The following TFEC variants were observed in gnomAD, a reference collection of about 807,000 sequenced individuals.
TFEC encodes class E basic helix-loop-helix protein 34.
In TFEC, 31 loss-of-function variants were observed where a neutral mutation model predicts 41.6. The observed-to-expected ratio is 0.74, with a 90% CI of 0.56 to 1.01. TFEC has a LOEUF of 1.01. Among genes scored for constraint, TFEC ranks in the 50% least tolerant of loss-of-function variants. TFEC has a pLI of 0.00. For missense variants in TFEC, 402 were observed against 404.1 expected (o/e 0.99, Z 0.04); for synonymous variants, 143 against 140.6 (o/e 1.02, Z -0.12).
chr7:116,080,993 G>A (rs1006858601), intron 3 of TFEC, among the ~76,000 whole-genome samples: 2 of 143,412 alleles, frequency 1.4e-5, no homozygotes, highest in African/African-American at 2.5e-5. Flanking sequence ...GTGTGTGTGT[G>A]TGTGTGTGTG....
chr7:115,999,538 T>C (rs758876477), intron 1 of TFEC, among the ~76,000 whole-genome samples: 2 of 151,962 alleles, frequency 1.3e-5, no homozygotes, highest in South Asian at 4.1e-4. Context: ...AAATGAAAAG[T>C]TGCTTTCTTG....
intron 3 of TFEC, among the ~76,000 whole-genome samples, chr7:116,096,124 T>A (rs1220661139): frequency 1.3e-5 from 2 of 152,136 alleles, no homozygotes; most frequent in African/African-American, 4.8e-5. Flanking sequence ...CTTACAGGAC[T>A]TTTTCCCAGA....
chr7:115,971,681 C>T (rs1402898125), intron 3 of TFEC, among the ~76,000 whole-genome samples: 2 of 151,784 alleles, frequency 1.3e-5, no homozygotes, highest in African/African-American at 4.8e-5. Context: ...AATGGGGCCA[C>T]CAGAATTGGT....
intron 1 of TFEC, among the ~76,000 whole-genome samples, chr7:116,148,193 A>G (rs1798683180): frequency 6.6e-6 from 1 of 152,202 alleles, no homozygotes; most frequent in Non-Finnish European, 1.5e-5. Context: ...CAGGAGGCCA[A>G]TGTGGATGGA....
rs770920593 is a variant in TFEC at position 115,946,630 on chromosome 7, CTCTCTCTT to C, written c.515+4236_515+4243del. Among the ~76,000 whole-genome samples the C allele has an allele frequency of 7.3e-4, 109 of 148,866 alleles. 1 individual carries two copies. Among genetic ancestry groups the C allele is most frequent in the Middle Eastern group, 6.8e-3 (2 of 294 alleles). The stretch of plus-strand genomic sequence containing the variant: ...CTTTTTTCTTTCTTTCTTTCTCTCT[CTCTCTCTT>C]TATTTTCTTTTTCTTTCTTTCCTTC... On this transcript the variant is annotated intron_variant, in intron 6 of 7. Transcript: ENST00000265440.
intron 3 of TFEC, among the ~76,000 whole-genome samples, chr7:116,055,904 C>T (rs1050837745): frequency 2.0e-4 from 30 of 152,038 alleles, no homozygotes; most frequent in Admixed American, 1.8e-3. Context: ...GTATACTATA[C>T]CATGCCGTTT....
At chr7:115,980,578 C>T (rs912332894) in intron 2 of TFEC, among the ~76,000 whole-genome samples, 3 of 151,952 alleles carry the variant, frequency 2.0e-5, no homozygotes, top group South Asian at 4.2e-4. Context: ...GGCGAAACTC[C>T]GTCTCTACTA....
At chr7:116,157,884 C>T (rs1798900917) in intron 1 of TFEC, among the ~76,000 whole-genome samples, 1 of 152,168 alleles carries the variant, frequency 6.6e-6, no homozygotes, top group Admixed American at 6.6e-5. Context: ...CACCAGTCCC[C>T]TGGAGGACAT....
intron 3 of TFEC, among the ~76,000 whole-genome samples, chr7:116,079,501 T>A (rs552413154): frequency 2.6e-5 from 4 of 152,094 alleles, no homozygotes; most frequent in Non-Finnish European, 4.4e-5. Flanking sequence ...ACAAAACTCA[T>A]GTACACAAAT....
intron 3 of TFEC, among the ~76,000 whole-genome samples, chr7:116,101,812 C>A (rs139897439): frequency 1.2e-3 from 187 of 152,222 alleles, no homozygotes; most frequent in African/African-American, 4.4e-3. Context: ...AAATGGGATG[C>A]AAGTAATAAC....
At chr7:116,125,038 C>T (rs59209779) in intron 1 of TFEC, among the ~76,000 whole-genome samples, 3,684 of 152,258 alleles carry the variant, frequency 0.024, 170 homozygotes, top group African/African-American at 0.083. Flanking sequence ...TCAACAAATA[C>T]TGAAGGCCCA....
At chr7:115,949,643 C>A (rs1317311959) in intron 6 of TFEC, among the ~76,000 whole-genome samples, 1 of 151,820 alleles carries the variant, frequency 6.6e-6, no homozygotes, top group African/African-American at 2.4e-5. Flanking sequence ...AACTGGCTAG[C>A]CATATGGAGA....
At chr7:116,009,706 G>A (rs929066048) in intron 1 of TFEC, among the ~76,000 whole-genome samples, 2 of 152,090 alleles carry the variant, frequency 1.3e-5, no homozygotes, top group Admixed American at 1.3e-4. Context: ...GTCAGTTCTT[G>A]CTAGTAAATT....
intron 1 of TFEC, among the ~76,000 whole-genome samples, chr7:115,998,815 G>A (rs1356919349): frequency 6.6e-6 from 1 of 151,242 alleles, no homozygotes; most frequent in East Asian, 1.9e-4. Context: ...CAAAACTGGA[G>A]CATCCAGATA....
At chr7:116,004,693 C>T (rs997509980) in intron 1 of TFEC, among the ~76,000 whole-genome samples, 65 of 151,474 alleles carry the variant, frequency 4.3e-4, no homozygotes, top group African/African-American at 1.6e-3. Flanking sequence ...ATTGAGTAAA[C>T]CAAAATTTTT....
At chr7:115,961,952 C>T (rs1252833418) in intron 3 of TFEC, among the ~76,000 whole-genome samples, 1 of 151,666 alleles carries the variant, frequency 6.6e-6, no homozygotes, top group South Asian at 2.1e-4. Context: ...CATGCACACA[C>T]GCACATACAC....
intron 1 of TFEC, among the ~76,000 whole-genome samples, chr7:115,988,869 C>T (rs1270284092): frequency 6.6e-6 from 1 of 151,946 alleles, no homozygotes; most frequent in Admixed American, 6.5e-5. Flanking sequence ...GAAGAAAAAG[C>T]ACCCTACCCA....
chr7:115,982,316 A>G (rs1793664656), intron 2 of TFEC, among the ~76,000 whole-genome samples: 1 of 152,226 alleles, frequency 6.6e-6, no homozygotes, highest in Non-Finnish European at 1.5e-5. Flanking sequence ...CAACTCTACA[A>G]TGTGTACACA....
intron 3 of TFEC, chr7:115,968,212 C>G: frequency 6.5e-7 from 1 of 1,530,784 alleles, no homozygotes. Context: ...TGTCTATAAC[C>G]TTCACAATAG....
Sources: gnomAD v4.1 joint callset for allele counts (sites outside exome capture counted in the v4.1 genomes callset) on GRCh38, gnomAD v4.1.1 for gene constraint, MANE v1.5 for transcripts, NCBI Gene and HGNC (gene_info 2026-07-23, HGNC 2026-07-21) for gene names.